ATXN1: variants seen among roughly 807,000 people sequenced by gnomAD.
The protein encoded by ATXN1 is ataxin 1, also known as ataxin-1.
ATXN1 carries 8 observed loss-of-function variants against 56.4 expected under a neutral mutation model. That is an observed-to-expected ratio of 0.14 (90% CI 0.08 to 0.26). ATXN1 has a LOEUF of 0.26. Among genes scored for constraint, ATXN1 ranks in the 10% least tolerant of loss-of-function variants. The pLI is 1.00. For missense variants in ATXN1, 987 were observed against 1,106.5 expected (o/e 0.89, Z 1.53); for synonymous variants, 514 against 494.6 (o/e 1.04, Z -0.52).
Position 16,302,553 on chromosome 6 carries a change from T to G in ATXN1, c.*3776A>C, listed in dbSNP as rs894126414. On this transcript the variant is annotated 3_prime_UTR_variant, in exon 8 of 8. Transcript: ENST00000436367. ...TCCCTCCCTCCCCCCTCTGCCCCAG[T>G]GTGGCCCAGACAAACTGAAATAATT... 1 of 152,598 alleles carries G rather than the reference T, an allele frequency of 6.6e-6. No individual in the cohort carries two copies. Among genetic ancestry groups the G allele is most frequent in the Non-Finnish European group, 1.5e-5 (1 of 68,036 alleles). The allele number at this position is 152,598 out of a possible 1,614,324, so 9.5% of individuals were successfully genotyped here.
At chr6:16,423,513 G>A (rs138674101) in intron 6 of ATXN1, among the ~76,000 whole-genome samples, 3,367 of 152,236 alleles carry the variant, frequency 0.022, 52 homozygotes, top group Non-Finnish European at 0.036. Context: ...CTACTGGTCC[G>A]GGATTTGGGG....
At chr6:16,369,736 T>C (rs959090856) in intron 6 of ATXN1, among the ~76,000 whole-genome samples, 6 of 152,168 alleles carry the variant, frequency 3.9e-5, no homozygotes, top group African/African-American at 1.4e-4. Flanking sequence ...CTCTCCTTCT[T>C]TATTTCATTC....
chr6:16,524,825 G>C (rs998650065), intron 4 of ATXN1, among the ~76,000 whole-genome samples: 5 of 152,152 alleles, frequency 3.3e-5, no homozygotes, highest in Non-Finnish European at 5.9e-5. Context: ...GGCCAAGCCA[G>C]GTGGATCACC....
chr6:16,328,125 C>T lies in ATXN1; in HGVS notation c.186G>A (p.Pro62=), dbSNP rs762659686. 2.0e-5 allele frequency: 31 copies of T among 1,588,296 alleles called. No homozygotes were observed. The highest frequency in any genetic ancestry group is 1.7e-4 in the Middle Eastern group (1 of 5,946). ...GRGHGGGRHG[P]AGTSVELGLQ... is the part of the protein sequence containing the mutation. ...AACCAAGCTCCACCGAGGTCCCTGC[C>T]GGCCCATGCCTCCCGCCCCCGTGGC... The change falls in exon 7 of 8, where the codon CCG becomes CCA. Residue 62 remains proline (P), a synonymous_variant. Transcript: ENST00000436367. This position sits in a 1 kb window ranked among gnomAD's most constrained non-coding sequence, Gnocchi z 6.2.
At chr6:16,552,488 C>A (rs549284948) in intron 4 of ATXN1, among the ~76,000 whole-genome samples, 1 of 152,328 alleles carries the variant, frequency 6.6e-6, no homozygotes, top group South Asian at 2.1e-4. Flanking sequence ...TTCATTCACA[C>A]AGTGTGTTTT....
rs980608804 is a variant in ATXN1 at position 16,306,015 on chromosome 6, G to A, written c.*314C>T. ...TCTCCTGACACTAGCGGGAGTCAGC[G>A]CCCCCGGCTGCTTCTGTGCCGCTAG... On this transcript the variant is annotated 3_prime_UTR_variant, in exon 8 of 8. Coordinates refer to ENST00000436367, the MANE Select transcript of ATXN1 (RefSeq NM_001128164.2). The surrounding 1 kb of genome is among the most constrained non-coding windows in gnomAD (Gnocchi z 5.2). The A allele has an allele frequency of 2.5e-5, 6 of 240,948 alleles. No individual in the cohort carries two copies. The East Asian group carries it at 3.3e-4, about 13-fold the overall frequency. 14.9% of individuals were successfully genotyped at this position (240,948 alleles called of 1,614,324 possible).
At chr6:16,401,304 A>C (rs1581737896) in intron 6 of ATXN1, among the ~76,000 whole-genome samples, 1 of 152,298 alleles carries the variant, frequency 6.6e-6, no homozygotes, top group East Asian at 1.9e-4. Context: ...TCAATGTGCC[A>C]AGTCAAGCCT....
chr6:16,723,927 A>G (rs1759796307), intron 2 of ATXN1, among the ~76,000 whole-genome samples: 2 of 152,296 alleles, frequency 1.3e-5, no homozygotes, highest in Non-Finnish European at 2.9e-5. Flanking sequence ...TTTTTTTAAC[A>G]TAAGACTAAA....
intron 6 of ATXN1, among the ~76,000 whole-genome samples, chr6:16,483,591 G>A (rs1425102759): frequency 6.6e-6 from 1 of 152,220 alleles, no homozygotes; most frequent in Non-Finnish European, 1.5e-5. Flanking sequence ...TGCACAAAGA[G>A]TTCACTAGAA....
chr6:16,400,625 A>G (rs775598200), intron 6 of ATXN1, among the ~76,000 whole-genome samples: 21 of 152,222 alleles, frequency 1.4e-4, no homozygotes, highest in African/African-American at 3.6e-4. Flanking sequence ...CAACAACCAC[A>G]TTCCCCTTCA....
intron 2 of ATXN1, among the ~76,000 whole-genome samples, chr6:16,658,436 G>A (rs1758252125): frequency 8.6e-6 from 1 of 116,762 alleles, no homozygotes; most frequent in Non-Finnish European, 1.7e-5. Flanking sequence ...TAATGCATGG[G>A]TTTCCCTTGT....
At chr6:16,323,073 A>C (rs531874311) in intron 7 of ATXN1, among the ~76,000 whole-genome samples, 173 of 152,340 alleles carry the variant, frequency 1.1e-3, no homozygotes, top group African/African-American at 3.9e-3. Context: ...CCTGGCTGTC[A>C]GTAGAGAGAT....
At chr6:16,663,553 G>C (rs1297630638) in intron 2 of ATXN1, among the ~76,000 whole-genome samples, 1 of 152,120 alleles carries the variant, frequency 6.6e-6, no homozygotes, top group African/African-American at 2.4e-5. Context: ...CACTGTGCCG[G>C]GAAGAAACTG....
chr6:16,758,867 C>T (rs1760968891), intron 1 of ATXN1, among the ~76,000 whole-genome samples: 1 of 152,176 alleles, frequency 6.6e-6, no homozygotes, highest in South Asian at 2.1e-4. Flanking sequence ...AGTGAGAGGG[C>T]AATCAGAGGA....
chr6:16,673,182 A>ATGGT (rs1561802729), intron 2 of ATXN1, among the ~76,000 whole-genome samples: 10 of 151,260 alleles, frequency 6.6e-5, no homozygotes, highest in Non-Finnish European at 1.5e-4. Flanking sequence ...AGATAAAAAC[A>ATGGT]GTTGCTTTAA....
chr6:16,607,932 T>C (rs1434144804), intron 3 of ATXN1, among the ~76,000 whole-genome samples: 3 of 152,220 alleles, frequency 2.0e-5, no homozygotes, highest in Non-Finnish European at 4.4e-5. Context: ...AATAGGATTC[T>C]ACAGTCTTCT....
At chr6:16,317,400 C>T (rs958095520) in intron 7 of ATXN1, among the ~76,000 whole-genome samples, 3 of 151,946 alleles carry the variant, frequency 2.0e-5, no homozygotes, top group Admixed American at 6.6e-5. Context: ...TCTTGATTCA[C>T]GGTAACCTCT....
rs543948149 is a variant in ATXN1 at position 16,372,777 on chromosome 6, G to A, written c.-160-44307C>T. Among the ~76,000 whole-genome samples, 9 of 152,116 alleles carry A rather than the reference G, an allele frequency of 5.9e-5. No individual in the cohort carries two copies. In the South Asian group the frequency reaches 1.7e-3, roughly 28 times the overall value. The stretch of plus-strand genomic sequence containing the variant: ...AAAAAAAGGTAAAAATTAGCTGGGC[G>A]TGGTGGCACATGTCTATAGTCCTTG... On this transcript the variant is annotated intron_variant, in intron 6 of 7. Transcript: ENST00000436367.
intron 6 of ATXN1, among the ~76,000 whole-genome samples, chr6:16,455,881 C>A (rs1415794604): frequency 1.3e-5 from 2 of 152,108 alleles, no homozygotes; most frequent in South Asian, 2.1e-4. Flanking sequence ...GTAAAATGCA[C>A]CAATCAACGC....
Sources: gnomAD v4.1 joint callset for allele counts (sites outside exome capture counted in the v4.1 genomes callset) on GRCh38, gnomAD v4.1.1 for gene constraint, Gnocchi (gnomAD v3.1) non-coding constraint, MANE v1.5 for transcripts, NCBI Gene and HGNC (gene_info 2026-07-23, HGNC 2026-07-21) for gene names.